The following NHSL2 variants were observed in gnomAD, a reference collection of about 807,000 sequenced individuals.
NHSL2 encodes the protein NHS like 2, also known as NHS-like protein 2.
A neutral mutation model predicts 53.4 loss-of-function variants in NHSL2; 27 were observed. That is an observed-to-expected ratio of 0.51 (90% confidence interval 0.37 to 0.70). The LOEUF (loss-of-function observed/expected upper bound fraction) is 0.70. NHSL2 is among the 30% of genes least tolerant of loss of function. NHSL2 has a pLI of 0.00. For missense variants in NHSL2, 892 were observed against 980.1 expected (o/e 0.91, Z 1.20); for synonymous variants, 408 against 404.1 (o/e 1.01, Z -0.12).
intron 1 of NHSL2, among the ~76,000 whole-genome samples, chrX:72,022,481 G>A (rs2042164901): frequency 9.0e-6 from 1 of 110,986 alleles, no homozygotes; most frequent in Non-Finnish European, 1.9e-5. Context: ...GGTGTCTGGT[G>A]AGGGTCCTCT....
At chrX:72,131,377 C>A (rs765450814) in intron 1 of NHSL2, 57 of 1,210,220 alleles carry the variant, frequency 4.7e-5, no homozygotes, top group Non-Finnish European at 6.4e-5. Flanking sequence ...TACTGGCCAG[C>A]GGATGTAGCT....
At chrX:71,926,426 G>A (rs1237205921) in intron 1 of NHSL2, among the ~76,000 whole-genome samples, 1 of 111,655 alleles carries the variant, frequency 9.0e-6, no homozygotes, top group Non-Finnish European at 1.9e-5. Flanking sequence ...TCAAGTAATA[G>A]ATACTGGTTT....
chrX:71,939,225 T>C (rs771355203), intron 1 of NHSL2, among the ~76,000 whole-genome samples: 2 of 111,233 alleles, frequency 1.8e-5, no homozygotes, highest in Non-Finnish European at 3.8e-5. Flanking sequence ...AATCGGAGCC[T>C]AGAGAGGCAG....
intron 1 of NHSL2, among the ~76,000 whole-genome samples, chrX:72,041,285 G>A (rs927935467): frequency 9.0e-6 from 1 of 111,655 alleles, no homozygotes; most frequent in African/African-American, 3.3e-5. Context: ...AGATCCACAC[G>A]AACATTATCA....
intron 1 of NHSL2, among the ~76,000 whole-genome samples, chrX:71,924,249 G>A (rs1446312347): frequency 9.0e-6 from 1 of 111,328 alleles, no homozygotes; most frequent in Non-Finnish European, 1.9e-5. Flanking sequence ...GGCAGGGAAG[G>A]TTTTCATAGC....
chrX:72,104,497 A>G (rs189897446), intron 1 of NHSL2, among the ~76,000 whole-genome samples: 169 of 111,575 alleles, frequency 1.5e-3, no homozygotes, highest in South Asian at 9.3e-3. Context: ...ATTTGAGTCA[A>G]CAAGGAAGGC....
At chrX:72,125,767 C>T (rs756751214) in intron 1 of NHSL2, among the ~76,000 whole-genome samples, 3 of 112,019 alleles carry the variant, frequency 2.7e-5, no homozygotes, top group Admixed American at 9.4e-5. Context: ...ATGAAGCCCA[C>T]GACCCCATAA....
At chrX:71,929,026 A>G (rs765973550) in intron 1 of NHSL2, among the ~76,000 whole-genome samples, 2 of 111,658 alleles carry the variant, frequency 1.8e-5, no homozygotes, top group Non-Finnish European at 3.8e-5. Context: ...TCATAGATGG[A>G]GTCTTAAACA....
At chrX:71,943,152 A>G (rs780275399) in intron 1 of NHSL2, among the ~76,000 whole-genome samples, 5 of 110,144 alleles carry the variant, frequency 4.5e-5, no homozygotes, top group Admixed American at 2.9e-4. Flanking sequence ...GGATCTCACT[A>G]TGTTGCCCAG....
In NHSL2 at chrX:72,049,986, G is replaced by A. The variant is rs191821389; in HGVS notation, c.281-82093G>A. Among the ~76,000 whole-genome samples, 4 of 106,561 alleles carry A rather than the reference G, an allele frequency of 3.8e-5. No individual in the cohort carries two copies. In the Admixed American group the frequency reaches 4.1e-4, roughly 11 times the overall value. The allele number at this position is 106,561 out of a possible 115,157, so 92.5% of individuals were successfully genotyped here. On this transcript the variant is annotated intron_variant, in intron 1 of 7. Transcript: ENST00000633930. ...TAACTAGCTTCTAGTTGTAGTTATA[G>A]TTCTGGTTTTGGTAGGTTATGTTCC... is the stretch of plus-strand genomic sequence containing the variant.
At chrX:71,933,334 G>T (rs932723004) in intron 1 of NHSL2, among the ~76,000 whole-genome samples, 6 of 110,606 alleles carry the variant, frequency 5.4e-5, no homozygotes, top group African/African-American at 2.0e-4. Context: ...TGAGCCAGAA[G>T]ATGGATGACA....
Position 72,144,614 on chromosome X carries a change from C to A in NHSL2, c.*1040C>A. 1 of 875,378 alleles carries A rather than the reference C, an allele frequency of 1.1e-6. No individual in the cohort carries two copies. Among genetic ancestry groups the A allele is most frequent in the Non-Finnish European group, 1.6e-6 (1 of 642,501 alleles). 72.1% of individuals were successfully genotyped at this position (875,378 alleles called of 1,213,427 possible). ...GGTTTGGTTTTGTTTAAAGGAAGTCCGACTCTGTTCCAAAAACCAAGAACA... is the reference window on the plus strand; with the variant it reads ...GGTTTGGTTTTGTTTAAAGGAAGTCAGACTCTGTTCCAAAAACCAAGAACA... On this transcript the variant is annotated 3_prime_UTR_variant, in exon 8 of 8. Transcript: ENST00000633930.
chrX:72,139,253 T>C lies in NHSL2; in HGVS notation c.1705T>C (p.Ser569Pro), dbSNP rs774329711. The C allele has an allele frequency of 7.6e-6, 9 of 1,188,297 alleles. No homozygotes were observed. In the African/African-American group the frequency reaches 1.6e-4, roughly 21 times the overall value. Residue 569 changes from serine to proline, a missense_variant, in exon 6 of 8, where the codon TCC becomes CCC. Coordinates refer to ENST00000633930, the MANE Select transcript of NHSL2 (RefSeq NM_001013627.3). ...ACTTAGGAAGGCCAAAAAGAAGCCT[T>C]CCCCACCCACACGCAGTGTCTCACT... ...ISLRKAKKKPSPPTRSVSLVK... is the reference protein window; with the variant it reads ...ISLRKAKKKPPPPTRSVSLVK...
rs5991874 is a variant in NHSL2 at position 71,916,525 on chromosome X, C to T, written c.280+5158C>T. On this transcript the variant is annotated intron_variant, in intron 1 of 7. Transcript: ENST00000633930. ...GCTAAAGACCCAGAGGTGAATAAGA[C>T]CCAATGTCTCCATTCGAGGAGCTGC... Among the ~76,000 whole-genome samples the T allele has an allele frequency of 2.5e-3, 282 of 111,398 alleles. 2 individuals are homozygous for T. The highest frequency in any genetic ancestry group is 8.8e-3 in the African/African-American group (270 of 30,646).
intron 1 of NHSL2, among the ~76,000 whole-genome samples, chrX:71,941,902 G>C (rs1175242458): frequency 8.9e-6 from 1 of 111,757 alleles, no homozygotes; most frequent in East Asian, 2.8e-4. Context: ...GGAGTACTGA[G>C]TCTGCCATGA....
intron 1 of NHSL2, among the ~76,000 whole-genome samples, chrX:72,075,897 G>A (rs780601710): frequency 1.3e-4 from 8 of 60,895 alleles, no homozygotes; most frequent in African/African-American, 4.2e-4. Flanking sequence ...TCTTGGGGGA[G>A]CACAGTGTGT....
At chrX:72,013,801 A>G (rs964248680) in intron 1 of NHSL2, among the ~76,000 whole-genome samples, 7 of 110,916 alleles carry the variant, frequency 6.3e-5, no homozygotes, top group Non-Finnish European at 1.3e-4. Context: ...TTTAACTTAT[A>G]ATAAGTGTTA....
intron 1 of NHSL2, among the ~76,000 whole-genome samples, chrX:71,926,797 T>G (rs2041687778): frequency 9.0e-6 from 1 of 111,541 alleles, no homozygotes; most frequent in Non-Finnish European, 1.9e-5. Context: ...AAAGAATAGC[T>G]TGGTCCCATT....
intron 1 of NHSL2, among the ~76,000 whole-genome samples, chrX:71,956,307 A>G (rs1047204043): frequency 1.8e-5 from 2 of 111,994 alleles, no homozygotes; most frequent in Non-Finnish European, 3.8e-5. Flanking sequence ...GTTTCCCCTT[A>G]TTGATCACCT....
Sources: allele counts gnomAD v4.1 joint callset (sites outside exome capture counted in the v4.1 genomes callset), GRCh38; gene constraint gnomAD v4.1.1; transcripts MANE v1.5; gene names NCBI Gene and HGNC (gene_info 2026-07-23, HGNC 2026-07-21).